Variants in SOCS7 observed in about 807,000 individuals in gnomAD.
SOCS7 encodes suppressor of cytokine signaling 7, also known as NAP-4.
Under a neutral mutation model 58.9 loss-of-function variants are expected in SOCS7, and 18 were observed. That is an observed-to-expected ratio of 0.31 (90% CI 0.21 to 0.45). The LOEUF (loss-of-function observed/expected upper bound fraction) is 0.45. Among genes scored for constraint, SOCS7 ranks in the 20% least tolerant of loss-of-function variants. SOCS7 has a pLI of 1.00. For missense variants in SOCS7, 667 were observed against 837.3 expected (o/e 0.80, Z 2.51); for synonymous variants, 388 against 364.3 (o/e 1.06, Z -0.74).
intron 2 of SOCS7, among the ~76,000 whole-genome samples, chr17:38,363,348 A>G (rs1597687379): frequency 6.6e-6 from 1 of 152,022 alleles, no homozygotes; most frequent in Non-Finnish European, 1.5e-5. Context: ...GCTTTTGTTT[A>G]TTTTTGACAC....
chr17:38,403,912 G>GT lies in SOCS7; in HGVS notation c.*4433dup, dbSNP rs1174503240. ...CCATCTTTCTTTTCACTGCAGCAGT[G>GT]TTTATCAGTAGTTCAAAATGATTTA... On this transcript the variant is annotated 3_prime_UTR_variant, in exon 10 of 10. Transcript: ENST00000612932. 1 of 151,792 alleles carries GT rather than the reference G, an allele frequency of 6.6e-6. No individual in the cohort carries two copies. The highest frequency in any genetic ancestry group is 1.5e-5 in the Non-Finnish European group (1 of 68,014). The allele number at this position is 151,792 out of a possible 1,614,324, so 9.4% of individuals were successfully genotyped here.
At chr17:38,394,010 G>A (rs1253744703) in intron 7 of SOCS7, among the ~76,000 whole-genome samples, 2 of 152,178 alleles carry the variant, frequency 1.3e-5, no homozygotes, top group Admixed American at 1.3e-4. Flanking sequence ...TATGACAATG[G>A]CTGAGAATTC....
At chr17:38,379,030 C>T (rs562987987) in intron 7 of SOCS7, among the ~76,000 whole-genome samples, 16 of 151,112 alleles carry the variant, frequency 1.1e-4, no homozygotes, top group South Asian at 6.3e-4. Flanking sequence ...TGATGCCAGG[C>T]GTCTGTAGTC....
chr17:38,395,694 A>T (rs774327777), intron 8 of SOCS7, among the ~76,000 whole-genome samples, 154 bp from the exon 9 acceptor site: 3 of 152,222 alleles, frequency 2.0e-5, no homozygotes, highest in Non-Finnish European at 4.4e-5. Flanking sequence ...AGAAGTGGTA[A>T]GAGTAAGGAA....
At position 38,352,977 on chromosome 17, in the gene SOCS7, G is replaced by C; in HGVS notation, c.925G>C (p.Ala309Pro). The C allele has an allele frequency of 6.2e-7, 1 of 1,606,738 alleles. No homozygotes were observed. The highest frequency in any genetic ancestry group is 8.5e-7 in the Non-Finnish European group (1 of 1,178,180). The change falls in exon 1 of 10, where the codon GCT (alanine) becomes CCT (proline). Residue 309 changes from alanine (A) to proline (P), a missense_variant. Transcript: ENST00000612932. This position sits in a 1 kb window ranked among gnomAD's most constrained non-coding sequence, Gnocchi z 5.5. Reference protein sequence around the residue: ...KRPSGELAASAASLTDMGGSA... With the variant: ...KRPSGELAASPASLTDMGGSA... ...GCCTTCTGGAGAGCTGGCTGCTTCA[G>C]CTGCGAGCCTGACAGACATGGGAGG...
intron 9 of SOCS7, among the ~76,000 whole-genome samples, chr17:38,396,787 A>G (rs2038250535): frequency 1.3e-5 from 2 of 152,226 alleles, no homozygotes; most frequent in Non-Finnish European, 2.9e-5. Context: ...GGTGACAAGC[A>G]AGATTGACTG....
At chr17:38,373,759 GTC>G (rs976596242) in intron 6 of SOCS7, among the ~76,000 whole-genome samples, 3 of 152,214 alleles carry the variant, frequency 2.0e-5, no homozygotes, top group African/African-American at 7.2e-5. Context: ...TGTCAAAGTG[GTC>G]TGCTTGCCCC....
At chr17:38,388,970 A>G (rs2038116290) in intron 7 of SOCS7, among the ~76,000 whole-genome samples, 1 of 152,192 alleles carries the variant, frequency 6.6e-6, no homozygotes, top group Admixed American at 6.6e-5. Context: ...TTATGTGAAT[A>G]TCTTTTCAAT....
At chr17:38,372,797 A>G (rs2037884291) in intron 6 of SOCS7, among the ~76,000 whole-genome samples, 1 of 152,178 alleles carries the variant, frequency 6.6e-6, no homozygotes, top group Non-Finnish European at 1.5e-5. Flanking sequence ...TGAATTCAGC[A>G]TAAGGACTGT....
chr17:38,369,125 G>A (rs2037829149), intron 6 of SOCS7, among the ~76,000 whole-genome samples: 1 of 152,208 alleles, frequency 6.6e-6, no homozygotes, highest in Non-Finnish European at 1.5e-5. Context: ...ACCTGTGTAT[G>A]CTACAAATTG....
In SOCS7 at chr17:38,379,167, A is replaced by C. The variant is rs570583922; in HGVS notation, c.1681+1325A>C. 6.6e-4 allele frequency among the ~76,000 whole-genome samples: 99 copies of C among 149,362 alleles called. 1 individual carries two copies. The Middle Eastern group carries it at 0.01, about 15-fold the overall frequency. On this transcript the variant is annotated intron_variant, in intron 7 of 9. Transcript: ENST00000612932. The stretch of plus-strand genomic sequence containing the variant: ...AGCGAGACCCTGTCTCAAAAAAAAA[A>C]AACAAAAAAAAACAAAAAAAAAAAA...
intron 7 of SOCS7, among the ~76,000 whole-genome samples, chr17:38,389,611 C>T (rs2038123762): frequency 6.6e-6 from 1 of 150,966 alleles, no homozygotes. Context: ...AATATTTTCT[C>T]CCATTCTGTG....
intron 1 of SOCS7, among the ~76,000 whole-genome samples, chr17:38,357,430 A>G (rs2037655211): frequency 6.6e-6 from 1 of 152,118 alleles, no homozygotes; most frequent in African/African-American, 2.4e-5. Flanking sequence ...ATCTCTGTCC[A>G]TTTGAGTCCT....
chr17:38,352,218 C>T lies in SOCS7; in HGVS notation c.166C>T (p.Pro56Ser). 7.4e-7 allele frequency: 1 copy of T among 1,360,212 alleles called. No homozygotes were observed. The highest frequency in any genetic ancestry group is 9.4e-7 in the Non-Finnish European group (1 of 1,063,712). The allele number at this position is 1,360,212 out of a possible 1,614,324, so 84.3% of individuals were successfully genotyped here. A position where few individuals can be genotyped will look rare whatever the true frequency, so the allele number is the denominator to read the frequency against. The change falls in exon 1 of 10, where the codon CCG (proline) becomes TCG (serine). Residue 56 changes from proline (P) to serine (S), a missense_variant. By Grantham distance (74) the Pro-to-Ser change is moderately conservative. Around this residue, in one of 9 missense-constraint regions of SOCS7, gnomAD observed 5 missense variants for 22.4 expected, o/e 0.22. Coordinates refer to ENST00000612932, the MANE Select transcript of SOCS7 (RefSeq NM_014598.4). The surrounding 1 kb of genome is among the most constrained non-coding windows in gnomAD (Gnocchi z 5.5). Reference sequence around the variant, plus strand: ...GCCACCCTTCCTCGCGCGGCCCGGCCCGCGGGGCTCCCGGCCGCCGCAGCT... The same window carrying T: ...GCCACCCTTCCTCGCGCGGCCCGGCTCGCGGGGCTCCCGGCCGCCGCAGCT... ...PPPPFLARPG[P>S]RGSRPPQLMV...
At chr17:38,392,597 C>A (rs998715694) in intron 7 of SOCS7, among the ~76,000 whole-genome samples, 1 of 152,114 alleles carries the variant, frequency 6.6e-6, no homozygotes, top group African/African-American at 2.4e-5. Flanking sequence ...CGTGTGAGTT[C>A]TTTTTCTTTT....
At chr17:38,395,055 A>C (rs1022865850) in intron 7 of SOCS7, among the ~76,000 whole-genome samples, 1 of 152,166 alleles carries the variant, frequency 6.6e-6, no homozygotes, top group Non-Finnish European at 1.5e-5. Context: ...GTCTCAAAAA[A>C]CAAAACAAAA....
At chr17:38,369,204 G>A (rs1401829321) in intron 6 of SOCS7, among the ~76,000 whole-genome samples, 3 of 152,120 alleles carry the variant, frequency 2.0e-5, no homozygotes, top group African/African-American at 7.2e-5. Context: ...TACCATGGTG[G>A]TCAACCTTAA....
At chr17:38,364,351 G>A (rs2037758921) in intron 2 of SOCS7, among the ~76,000 whole-genome samples, 1 of 152,160 alleles carries the variant, frequency 6.6e-6, no homozygotes, top group Non-Finnish European at 1.5e-5. Context: ...TTCCATGTCT[G>A]TTTGGGCATA....
chr17:38,393,728 G>A (rs8065482), intron 7 of SOCS7, among the ~76,000 whole-genome samples: 3 of 151,266 alleles, frequency 2.0e-5, no homozygotes, highest in African/African-American at 4.9e-5. Flanking sequence ...GTGAAACCCC[G>A]TCCCTACTGA....
Sources: allele counts gnomAD v4.1 joint callset (sites outside exome capture counted in the v4.1 genomes callset), GRCh38; gene constraint gnomAD v4.1.1; regional missense constraint gnomAD v4.1.1; non-coding constraint Gnocchi (gnomAD v3.1); transcripts MANE v1.5; gene names NCBI Gene and HGNC (gene_info 2026-07-23, HGNC 2026-07-21).